Variants in C14orf39 observed in about 807,000 individuals in gnomAD.
C14orf39 encodes the protein protein SIX6OS1.
Under a neutral mutation model 85.6 loss-of-function variants are expected in C14orf39, and 66 were observed. The ratio of observed to expected loss-of-function variants is 0.77; its 90% CI spans 0.63 to 0.95. C14orf39 has a LOEUF of 0.95. C14orf39 is among the 40% of genes least tolerant of loss of function. C14orf39 has a pLI of 0.00. For missense variants in C14orf39, 735 were observed against 663.9 expected (o/e 1.11, Z -1.18); for synonymous variants, 242 against 214.0 (o/e 1.13, Z -1.14).
In C14orf39 at chr14:60,492,909, G is replaced by T. The variant is rs186641927; in HGVS notation, c.-9+6387C>A. Among the ~76,000 whole-genome samples the T allele has an allele frequency of 4.7e-4, 71 of 152,280 alleles. 1 individual carries two copies. The Middle Eastern group carries it at 0.02, about 44-fold the overall frequency. On this transcript the variant is annotated intron_variant, in intron 2 of 5. Coordinates refer to the C14orf39 transcript ENST00000556799. ...AAATCTTCATAATTACATGGCATCA[G>T]TCTCACTAACGAAATTTTTTTTAAA...
chr14:60,471,828 A>G, intron 5 of C14orf39, 89 bp from the exon 6 acceptor site: 1 of 733,820 alleles, frequency 1.4e-6, no homozygotes, highest in Non-Finnish European at 2.1e-6. Flanking sequence ...TAAACATAAA[A>G]GGCAAATCAA....
chr14:60,446,994 C>T (rs1890795233), intron 16 of C14orf39, among the ~76,000 whole-genome samples: 1 of 152,114 alleles, frequency 6.6e-6, no homozygotes, highest in Non-Finnish European at 1.5e-5. Flanking sequence ...TGACAAAATT[C>T]AACACCCCTT....
chr14:60,494,442 TGCATGATTGGGCTGCTAAAAAGGTGTCA>T (rs1432910842), intron 2 of C14orf39: 6 of 154,346 alleles, frequency 3.9e-5, no homozygotes, highest in Non-Finnish European at 8.7e-5. Context: ...CTGGCCTGTC[TGCATGATTGGGCTGCTAAAAAGGTGTCA>T]GCCCAAGAAC....
Position 60,484,731 on chromosome 14 carries a change from C to A in C14orf39, c.106+150G>T, listed in dbSNP as rs920016166. On this transcript the variant is annotated intron_variant, in intron 3 of 17. Coordinates refer to ENST00000321731, the MANE Select transcript of C14orf39 (RefSeq NM_174978.3). This position sits in a 1 kb window ranked among gnomAD's most constrained non-coding sequence, Gnocchi z 4.2. ...AACTATAGTTAAGTCACATCTATTT[C>A]GTCTAGGGTAAATAGTTTATTTGTC... 7 of 550,766 alleles carry A rather than the reference C, an allele frequency of 1.3e-5. No individual in the cohort carries two copies. In the African/African-American group the frequency reaches 1.4e-4, roughly 11 times the overall value. The allele number at this position is 550,766 out of a possible 1,614,324, so 34.1% of individuals were successfully genotyped here.
At chr14:60,512,033 ATATG>A (rs1893302969) in intron 1 of C14orf39, 2 of 4,868 alleles carry the variant, frequency 4.1e-4, no homozygotes, top group Non-Finnish European at 1.9e-3. Flanking sequence ...CTATACAAAC[ATATG>A]TATGTACCTA....
intron 5 of C14orf39, among the ~76,000 whole-genome samples, chr14:60,474,825 G>T (rs1363633870): frequency 1.3e-5 from 2 of 152,048 alleles, no homozygotes; most frequent in South Asian, 2.1e-4. Flanking sequence ...GAGGATTTTT[G>T]CAGGGATGTT....
intron 15 of C14orf39, among the ~76,000 whole-genome samples, chr14:60,456,189 A>G (rs528947194): frequency 6.6e-6 from 1 of 152,234 alleles, no homozygotes; most frequent in Non-Finnish European, 1.5e-5. Context: ...TTGTTAAGGA[A>G]GATAATGGAC....
intron 15 of C14orf39, 73 bp downstream of exon 15, chr14:60,456,844 T>G: frequency 7.5e-7 from 1 of 1,324,812 alleles, no homozygotes; most frequent in Non-Finnish European, 1.0e-6. Flanking sequence ...CTAAGCATTT[T>G]ACTATTCCTA....
At chr14:60,477,126 G>A (rs1244103348) in intron 5 of C14orf39, among the ~76,000 whole-genome samples, 1 of 151,948 alleles carries the variant, frequency 6.6e-6, no homozygotes, top group Non-Finnish European at 1.5e-5. Flanking sequence ...TTTTTTAAAT[G>A]AAGCAGGATG....
At chr14:60,439,967 C>T (rs1004306520) in intron 17 of C14orf39, among the ~76,000 whole-genome samples, 14 of 152,084 alleles carry the variant, frequency 9.2e-5, no homozygotes, top group South Asian at 6.2e-4. Flanking sequence ...CCCAGCTACT[C>T]GGGAGGCTGA....
At chr14:60,478,511 A>T in intron 4 of C14orf39, 122 bp from the exon 5 acceptor site, 1 of 483,058 alleles carries the variant, frequency 2.1e-6, no homozygotes, top group Non-Finnish European at 3.6e-6. Context: ...GGAGAAAACA[A>T]GCTTACATCA....
At chr14:60,443,362 G>A (rs1890613271) in intron 16 of C14orf39, among the ~76,000 whole-genome samples, 1 of 152,194 alleles carries the variant, frequency 6.6e-6, no homozygotes, top group Non-Finnish European at 1.5e-5. Flanking sequence ...AGCAGACCAG[G>A]AGATTCCCTC....
chr14:60,450,386 C>A (rs1008709092), intron 16 of C14orf39, among the ~76,000 whole-genome samples: 5 of 152,304 alleles, frequency 3.3e-5, no homozygotes, highest in Middle Eastern at 3.4e-3. Context: ...CAGACCCCCA[C>A]CATGAGCTGA....
chr14:60,515,398 T>C lies in C14orf39; in HGVS notation c.-147A>G, dbSNP rs991161273. On this transcript the variant is annotated 5_prime_UTR_variant, in exon 1 of 6. Coordinates refer to the C14orf39 transcript ENST00000556799. This position sits in a 1 kb window ranked among gnomAD's most constrained non-coding sequence, Gnocchi z 6.2. ...GCCCCCCTTTTCGCGCACCCACCTT[T>C]TCCATCCAGCGCCCCGCGAACTCGC... 6.6e-6 allele frequency: 1 copy of C among 152,110 alleles called. No individual in the cohort carries two copies. The highest frequency in any genetic ancestry group is 1.5e-5 in the Non-Finnish European group (1 of 68,130). 9.4% of individuals were successfully genotyped at this position (152,110 alleles called of 1,614,324 possible). A position where few individuals can be genotyped will look rare whatever the true frequency, so the allele number is the denominator to read the frequency against.
chr14:60,437,794 T>C (rs1433889175), intron 17 of C14orf39, among the ~76,000 whole-genome samples: 1 of 152,018 alleles, frequency 6.6e-6, no homozygotes, highest in Non-Finnish European at 1.5e-5. Flanking sequence ...TACAATATAC[T>C]GCTCATGGCA....
intron 1 of C14orf39, among the ~76,000 whole-genome samples, chr14:60,504,781 T>C (rs1481766821): frequency 1.3e-5 from 2 of 152,222 alleles, no homozygotes; most frequent in Non-Finnish European, 2.9e-5. Context: ...TATTACAAAG[T>C]GTATAATTTG....
intron 8 of C14orf39, among the ~76,000 whole-genome samples, chr14:60,469,089 T>G (rs1203967495): frequency 6.6e-6 from 1 of 151,348 alleles, no homozygotes; most frequent in South Asian, 2.1e-4. Flanking sequence ...AAGGCTAAAC[T>G]AGTTCTAGCC....
chr14:60,510,970 G>A, intron 1 of C14orf39: 1 of 1,082,542 alleles, frequency 9.2e-7, no homozygotes, highest in Non-Finnish European at 1.4e-6. Context: ...TTAACTGCTG[G>A]GGTCTTCGGA....
intron 10 of C14orf39, 66 bp downstream of exon 10, chr14:60,466,851 T>A: frequency 8.0e-7 from 1 of 1,250,086 alleles, no homozygotes; most frequent in Non-Finnish European, 1.1e-6. Context: ...TAAAATTGCT[T>A]CCTTCTATTT....
Sources: allele counts gnomAD v4.1 joint callset (sites outside exome capture counted in the v4.1 genomes callset), GRCh38; gene constraint gnomAD v4.1.1; non-coding constraint Gnocchi (gnomAD v3.1); transcripts MANE v1.5; gene names NCBI Gene and HGNC (gene_info 2026-07-23, HGNC 2026-07-21).